MTAP: variants seen among roughly 807,000 people sequenced by gnomAD.
MTAP encodes the protein S-methyl-5'-thioadenosine phosphorylase.
A neutral mutation model predicts 33.6 loss-of-function variants in MTAP; 33 were observed. The observed-to-expected ratio is 0.98, with a 90% CI of 0.74 to 1.31. MTAP has a LOEUF of 1.31. MTAP is among the 40% of genes most tolerant of loss of function. The pLI is 0.00. For missense variants in MTAP, 367 were observed against 360.0 expected (o/e 1.02, Z -0.16); for synonymous variants, 148 against 125.7 (o/e 1.18, Z -1.19).
At chr9:21,920,635 T>G (rs538346146) in intron 1 of MTAP, among the ~76,000 whole-genome samples, 3 of 152,336 alleles carry the variant, frequency 2.0e-5, no homozygotes, top group South Asian at 4.1e-4. Context: ...TATTTTCACC[T>G]TTCTGCATGA....
At chr9:21,911,200 C>G (rs1445219365) in intron 1 of MTAP, among the ~76,000 whole-genome samples, 1 of 152,172 alleles carries the variant, frequency 6.6e-6, no homozygotes, top group African/African-American at 2.4e-5. Context: ...TAACACCCCA[C>G]TATCAACATT....
rs983426462 is a variant in MTAP at position 21,810,364 on chromosome 9, A to G, written c.34-5069A>G. The stretch of plus-strand genomic sequence containing the variant: ...CAGAATACCTGAGACAGGGTAATTT[A>G]TAAAGAGAAGAGGTTTATTTAAAAG... On this transcript the variant is annotated intron_variant, in intron 1 of 7. Coordinates refer to ENST00000644715, the MANE Select transcript of MTAP (RefSeq NM_002451.4). Among the ~76,000 whole-genome samples, 92 of 152,226 alleles carry G rather than the reference A, an allele frequency of 6.0e-4. 3 individuals carry two copies. The highest frequency in any genetic ancestry group is 2.6e-4 in the Non-Finnish European group (18 of 68,042).
chr9:21,871,941 T>C (rs1825943929), downstream of MTAP, among the ~76,000 whole-genome samples: 1 of 152,212 alleles, frequency 6.6e-6, no homozygotes, highest in East Asian at 1.9e-4. Context: ...ATTTCAGTCT[T>C]ATGTCTGGTG....
rs150727017 is a variant in MTAP, at chr9:21,864,252, C to G, written c.*2238C>G. The G allele has an allele frequency of 2.0e-6, 2 of 985,402 alleles. No individual in the cohort carries two copies. The highest frequency in any genetic ancestry group is 1.7e-5 in the African/African-American group (1 of 57,354). The allele number at this position is 985,402 out of a possible 1,614,324, so 61.0% of individuals were successfully genotyped here. ...TTTTCTTTGTTCTCAATCATTCACT[C>G]CTTATGCAAAGCCAATATAATTTTC... On this transcript the variant is annotated 3_prime_UTR_variant, in exon 8 of 8. Coordinates refer to ENST00000644715, the MANE Select transcript of MTAP (RefSeq NM_002451.4).
intron 1 of MTAP, among the ~76,000 whole-genome samples, chr9:21,890,700 C>G (rs971088874): frequency 3.9e-5 from 6 of 152,064 alleles, no homozygotes; most frequent in African/African-American, 9.7e-5. Context: ...AGGTTAAATC[C>G]TTCTTCTGTG....
intron 1 of MTAP, among the ~76,000 whole-genome samples, chr9:21,890,825 G>A (rs1204610071): frequency 2.0e-5 from 3 of 152,026 alleles, no homozygotes; most frequent in African/African-American, 7.3e-5. Flanking sequence ...GTGGCAAGCT[G>A]TTTCCTTCAA....
At chr9:21,883,356 C>A (rs749846819) in intron 1 of MTAP, among the ~76,000 whole-genome samples, 1 of 151,954 alleles carries the variant, frequency 6.6e-6, no homozygotes, top group Non-Finnish European at 1.5e-5. Context: ...ATCAGTTGAA[C>A]AAAAAATTAA....
In MTAP at chr9:21,861,990, T is replaced by C; in HGVS notation, c.828T>C (p.Phe276=). Residue 276 remains phenylalanine (F), a synonymous_variant, in exon 8 of 8, where the codon TTT becomes TTC. Transcript: ENST00000644715. ...CTTCCTTTCAGAATATGGCCCAGTTTTCTGTTTTATTACCAAGACATTAAA... is the reference window on the plus strand; with the variant it reads ...CTTCCTTTCAGAATATGGCCCAGTTCTCTGTTTTATTACCAAGACATTAAA... ...TLHNLKNMAQ[F]SVLLPRH The C allele has an allele frequency of 1.2e-6, 2 of 1,600,674 alleles. No homozygotes were observed. Among genetic ancestry groups the C allele is most frequent in the Non-Finnish European group, 1.7e-6 (2 of 1,167,838 alleles).
At chr9:21,876,284 A>G (rs956286491) in intron 1 of MTAP, among the ~76,000 whole-genome samples, 11 of 152,044 alleles carry the variant, frequency 7.2e-5, no homozygotes, top group Non-Finnish European at 4.4e-5. Flanking sequence ...TGTCAAATGC[A>G]TAGTTTGCAA....
intron 4 of MTAP, among the ~76,000 whole-genome samples, chr9:21,819,941 A>G (rs200744240): frequency 6.6e-6 from 1 of 152,082 alleles, no homozygotes. Flanking sequence ...AATGTCTTCT[A>G]TTGAGAAGTG....
intron 5 of MTAP, among the ~76,000 whole-genome samples, chr9:21,853,595 G>A (rs751949328): frequency 6.6e-6 from 1 of 152,188 alleles, no homozygotes; most frequent in Non-Finnish European, 1.5e-5. Flanking sequence ...TTGACTTTGA[G>A]TCACTCCACT....
intron 4 of MTAP, among the ~76,000 whole-genome samples, chr9:21,833,945 C>T (rs1278441410): frequency 3.3e-5 from 5 of 152,200 alleles, no homozygotes; most frequent in Non-Finnish European, 7.3e-5. Context: ...CTCTCTTGAA[C>T]TCATTTTTCC....
chr9:21,930,661 C>A (rs1044916669), intron 1 of MTAP: 1 of 491,072 alleles, frequency 2.0e-6, no homozygotes, highest in South Asian at 2.8e-5. Context: ...CAACCATGGC[C>A]AGAGCAAATT....
intron 4 of MTAP, among the ~76,000 whole-genome samples, chr9:21,835,343 TAAAG>T (rs1055535464): frequency 1.3e-5 from 2 of 152,118 alleles, no homozygotes; most frequent in African/African-American, 4.8e-5. Flanking sequence ...AGAAAGAACT[TAAAG>T]AAGCTGAGTA....
At chr9:21,915,000 TTTCCTTCC>T (rs367599453) in intron 1 of MTAP, among the ~76,000 whole-genome samples, 29,132 of 84,402 alleles carry the variant, frequency 0.35, 6,316 homozygotes, top group Non-Finnish European at 0.39. Flanking sequence ...CTTTGTTTTC[TTTCCTTCC>T]TTCCTTCCTT....
At chr9:21,841,129 C>T (rs1825232615) in intron 5 of MTAP, among the ~76,000 whole-genome samples, 1 of 152,214 alleles carries the variant, frequency 6.6e-6, no homozygotes. Flanking sequence ...CCAGAACCAC[C>T]TAACCCTGCC....
Position 21,818,124 on chromosome 9 carries a change from T to C in MTAP, c.269T>C (p.Ile90Thr). 6.2e-7 allele frequency: 1 copy of C among 1,614,004 alleles called. No homozygotes were observed. Among genetic ancestry groups the C allele is most frequent in the East Asian group, 2.2e-5 (1 of 44,862 alleles). Residue 90 changes from isoleucine to threonine, a missense_variant, in exon 4 of 8, where the codon ATA becomes ACA. Transcript: ENST00000644715. ...ALKEEGCTHV[I>T]VTTACGSLRE... is the part of the protein sequence containing the mutation. ...AAGGAAGAGGGCTGTACACATGTCA[T>C]AGTGACCACAGCTTGTGGCTCCTTG...
Position 21,802,701 on chromosome 9 carries a change from C to G in MTAP, c.-48C>G. On this transcript the variant is annotated 5_prime_UTR_variant, in exon 1 of 8. Coordinates refer to ENST00000644715, the MANE Select transcript of MTAP (RefSeq NM_002451.4). ...CACCGCTCTGTGGCTCGCTTGGTTCCCTTAGTCCCGAGCGCTCGCCCACTG... is the reference window on the plus strand; with the variant it reads ...CACCGCTCTGTGGCTCGCTTGGTTCGCTTAGTCCCGAGCGCTCGCCCACTG... The G allele has an allele frequency of 6.3e-7, 1 of 1,596,504 alleles. No homozygotes were observed. The highest frequency in any genetic ancestry group is 2.3e-5 in the East Asian group (1 of 43,842).
chr9:21,893,310 A>G (rs1302617732), intron 1 of MTAP: 4 of 152,202 alleles, frequency 2.6e-5, no homozygotes, highest in Non-Finnish European at 1.5e-5. Context: ...AATAATCTCA[A>G]ATAAACAATC....
Sources: gnomAD v4.1 joint callset for allele counts (sites outside exome capture counted in the v4.1 genomes callset) on GRCh38, gnomAD v4.1.1 for gene constraint, MANE v1.5 for transcripts, NCBI Gene and HGNC (gene_info 2026-07-23, HGNC 2026-07-21) for gene names.